Variants in PPP3CC observed in about 807,000 individuals in gnomAD.
The protein encoded by PPP3CC is serine/threonine-protein phosphatase 2B catalytic subunit gamma isoform.
In PPP3CC, 35 loss-of-function variants were observed where a neutral mutation model predicts 60.3. That is an observed-to-expected ratio of 0.58 (90% confidence interval 0.44 to 0.77). PPP3CC has a LOEUF of 0.77. PPP3CC is among the 30% of genes least tolerant of loss of function. The pLI, the probability that PPP3CC is intolerant of heterozygous loss-of-function variation, is 0.00. For missense variants in PPP3CC, 570 were observed against 628.9 expected (o/e 0.91, Z 1.00); for synonymous variants, 206 against 224.3 (o/e 0.92, Z 0.73).
intron 4 of PPP3CC, among the ~76,000 whole-genome samples, chr8:22,507,565 A>T (rs980500819): frequency 3.9e-5 from 6 of 152,214 alleles, no homozygotes; most frequent in African/African-American, 1.4e-4. Flanking sequence ...TGGGCAGGTA[A>T]GCCTAATTTC....
chr8:22,488,566 C>T (rs534846847), intron 3 of PPP3CC, among the ~76,000 whole-genome samples: 1 of 152,330 alleles, frequency 6.6e-6, no homozygotes, highest in South Asian at 2.1e-4. Flanking sequence ...CTCAGATTGT[C>T]AACAGTGCCT....
chr8:22,505,534 C>A (rs775386358), intron 4 of PPP3CC, among the ~76,000 whole-genome samples: 1 of 152,066 alleles, frequency 6.6e-6, no homozygotes, highest in Non-Finnish European at 1.5e-5. Flanking sequence ...AAGCGAAATA[C>A]TAGGTAAATG....
chr8:22,456,238 C>G (rs1430471709), intron 1 of PPP3CC, among the ~76,000 whole-genome samples: 1 of 151,532 alleles, frequency 6.6e-6, no homozygotes, highest in African/African-American at 2.4e-5. Context: ...CAGGTCAACC[C>G]ATGTGGCTGT....
intron 6 of PPP3CC, among the ~76,000 whole-genome samples, chr8:22,515,049 GTA>G (rs1839206788): frequency 6.6e-6 from 1 of 152,034 alleles, no homozygotes; most frequent in South Asian, 2.1e-4. Flanking sequence ...AAATCTCACA[GTA>G]TCAAATACTA....
At chr8:22,510,461 T>G (rs1327904733) in intron 4 of PPP3CC, among the ~76,000 whole-genome samples, 2 of 152,136 alleles carry the variant, frequency 1.3e-5, no homozygotes, top group Non-Finnish European at 1.5e-5. Flanking sequence ...TAAGAGATCT[T>G]TAAGACCCAA....
In PPP3CC at chr8:22,513,456, A is replaced by G. The variant is rs901706259; in HGVS notation, c.770+24A>G. The G allele has an allele frequency of 5.1e-6, 8 of 1,555,318 alleles. No individual in the cohort carries two copies. The Admixed American group carries it at 6.3e-5, about 12-fold the overall frequency. ...AGGTAAGCTAGTCCTTGAGGTCGAA[A>G]ATTATGAAAGGAAACTGTAATTCAT... On this transcript the variant is annotated intron_variant, in intron 6 of 13. Transcript: ENST00000240139.
rs371501585 is a variant in PPP3CC, at chr8:22,450,560, C to G, written c.49+9102C>G. On this transcript the variant is annotated intron_variant, in intron 1 of 13. Transcript: ENST00000240139. The stretch of plus-strand genomic sequence containing the variant: ...TCCTCTACTTCATCCTATTCTCACA[C>G]CTTTTGCTTGTGCCATTGCAGGAGC... Among the ~76,000 whole-genome samples the G allele has an allele frequency of 7.2e-5, 11 of 152,292 alleles. No homozygotes were observed. The South Asian group carries it at 1.0e-3, about 14-fold the overall frequency.
At chr8:22,538,101 G>C (rs956748357) in intron 12 of PPP3CC, among the ~76,000 whole-genome samples, 1 of 152,122 alleles carries the variant, frequency 6.6e-6, no homozygotes, top group Non-Finnish European at 1.5e-5. Flanking sequence ...CAAAAGTTCG[G>C]GTCATTTGAT....
intron 3 of PPP3CC, among the ~76,000 whole-genome samples, chr8:22,486,049 T>TC (rs1023125200): frequency 6.6e-6 from 1 of 151,510 alleles, no homozygotes; most frequent in African/African-American, 2.4e-5. Context: ...CCTGAGTGCT[T>TC]CCCCCCCGCC....
intron 8 of PPP3CC, among the ~76,000 whole-genome samples, chr8:22,525,491 CTTCT>C (rs199717558): frequency 0.093 from 11,940 of 128,376 alleles, 620 homozygotes; most frequent in South Asian, 0.13. Context: ...GCTTCCTTTT[CTTCT>C]TTCTTTCTTT....
chr8:22,445,643 T>G lies in PPP3CC; in HGVS notation c.49+4185T>G, dbSNP rs191878700. Among the ~76,000 whole-genome samples, 80 of 152,310 alleles carry G rather than the reference T, an allele frequency of 5.3e-4. 1 individual carries two copies. In the East Asian group the frequency reaches 0.014, roughly 27 times the overall value. On this transcript the variant is annotated intron_variant, in intron 1 of 13. Coordinates refer to ENST00000240139, the MANE Select transcript of PPP3CC (RefSeq NM_005605.5). ...ATAATGGTTTCAATCAGCATGGAAA[T>G]GGTTTTAGAGTGCTTATATTAATAT...
At chr8:22,522,826 G>A (rs1839444519) in intron 8 of PPP3CC, 77 bp downstream of exon 8, 1 of 1,030,636 alleles carries the variant, frequency 9.7e-7, no homozygotes, top group Non-Finnish European at 1.4e-6. Flanking sequence ...GTACGTATGT[G>A]TGTTTGTGTC....
intron 3 of PPP3CC, among the ~76,000 whole-genome samples, chr8:22,479,400 C>T (rs1001903264): frequency 3.3e-5 from 5 of 151,860 alleles, no homozygotes; most frequent in African/African-American, 9.7e-5. Context: ...GCATTTTGTA[C>T]GCTCCTTTTC....
At chr8:22,506,908 C>T (rs1404112244) in intron 4 of PPP3CC, among the ~76,000 whole-genome samples, 1 of 151,318 alleles carries the variant, frequency 6.6e-6, no homozygotes, top group Non-Finnish European at 1.5e-5. Context: ...CGCCACTGCA[C>T]TCCAGTCTCT....
At chr8:22,496,865 G>A (rs141089006) in intron 3 of PPP3CC, among the ~76,000 whole-genome samples, 3 of 152,078 alleles carry the variant, frequency 2.0e-5, no homozygotes, top group African/African-American at 7.2e-5. Flanking sequence ...ATTATTTCAT[G>A]TCTACTTTTA....
At chr8:22,502,998 T>C (rs1838806588) in intron 4 of PPP3CC, among the ~76,000 whole-genome samples, 1 of 152,282 alleles carries the variant, frequency 6.6e-6, no homozygotes, top group East Asian at 1.9e-4. Flanking sequence ...GTGCATGCCA[T>C]CGCGCATGGC....
rs5890033 is a variant in PPP3CC, at chr8:22,443,519, T to TA, written c.49+2082dup. ...CTGGGCAACAGAGTGAAACTCTCTC[T>TA]AAAAAAAAAAAAAAAAAAAAAGCAG... On this transcript the variant is annotated intron_variant, in intron 1 of 13. Transcript: ENST00000240139. 6.9e-3 allele frequency among the ~76,000 whole-genome samples: 711 copies of TA among 103,614 alleles called. 9 individuals are homozygous for TA. Among genetic ancestry groups the TA allele is most frequent in the African/African-American group, 0.021 (578 of 27,260 alleles). The allele number at this position is 103,614 out of a possible 152,430, so 68.0% of individuals were successfully genotyped here. A position where few individuals can be genotyped will look rare whatever the true frequency, so the allele number is the denominator to read the frequency against.
intron 3 of PPP3CC, among the ~76,000 whole-genome samples, chr8:22,494,881 A>G (rs1838517215): frequency 6.6e-6 from 1 of 152,212 alleles, no homozygotes; most frequent in Admixed American, 6.5e-5. Flanking sequence ...AGATACATAC[A>G]TATGAATTTC....
chr8:22,518,823 A>G (rs1839325959), intron 6 of PPP3CC, among the ~76,000 whole-genome samples: 1 of 152,124 alleles, frequency 6.6e-6, no homozygotes, highest in Admixed American at 6.5e-5. Flanking sequence ...AGTAGCTGGG[A>G]TTACAGGCAT....
Sources: allele counts gnomAD v4.1 joint callset (sites outside exome capture counted in the v4.1 genomes callset), GRCh38; gene constraint gnomAD v4.1.1; transcripts MANE v1.5; gene names NCBI Gene and HGNC (gene_info 2026-07-23, HGNC 2026-07-21).